Variants in NRXN1 observed in about 807,000 individuals in gnomAD.
NRXN1 encodes neurexin-1.
A neutral mutation model predicts 150.9 loss-of-function variants in NRXN1; 39 were observed. The ratio of observed to expected loss-of-function variants is 0.26; its 90% CI spans 0.20 to 0.34. The LOEUF (loss-of-function observed/expected upper bound fraction) is 0.34. Among genes scored for constraint, NRXN1 ranks in the 10% least tolerant of loss-of-function variants. NRXN1 has a pLI of 1.00. For synonymous variants in NRXN1, 924 were observed against 757.0 expected (o/e 1.22, Z -3.62); for missense variants, 1,815 against 1,949.9 (o/e 0.93, Z 1.30).
At chr2:50,480,913 C>T (rs887195799) in intron 15 of NRXN1, among the ~76,000 whole-genome samples, 3 of 151,846 alleles carry the variant, frequency 2.0e-5, no homozygotes, top group East Asian at 1.9e-4. Flanking sequence ...ATGGTCAAAA[C>T]CAGAAAAAAC....
At chr2:50,495,376 GTGTGGTGTGTGTGTGT>G (rs1333932461) in intron 15 of NRXN1, among the ~76,000 whole-genome samples, 11 of 10,808 alleles carry the variant, frequency 1.0e-3, no homozygotes, top group African/African-American at 2.0e-3. Context: ...GTGTGTGTGT[GTGTGGTGTGTGTGTGT>G]GTGTGTGTGT....
At chr2:50,959,609 G>A (rs1168798172) in intron 2 of NRXN1, among the ~76,000 whole-genome samples, 2 of 151,920 alleles carry the variant, frequency 1.3e-5, no homozygotes, top group Non-Finnish European at 2.9e-5. Context: ...AGAATGGGAA[G>A]GACTATAAAT....
At chr2:50,063,666 C>A (rs12621366) in intron 19 of NRXN1, among the ~76,000 whole-genome samples, 2 of 151,888 alleles carry the variant, frequency 1.3e-5, no homozygotes, top group African/African-American at 2.4e-5. Flanking sequence ...GTGTCCCCTA[C>A]TGCTCCACCA....
At chr2:49,979,476 A>T (rs530233629) in intron 21 of NRXN1, among the ~76,000 whole-genome samples, 1 of 152,174 alleles carries the variant, frequency 6.6e-6, no homozygotes, top group African/African-American at 2.4e-5. Context: ...ATGAAATACA[A>T]AAGAAGAAGC....
chr2:50,625,663 G>T (rs573616271), intron 5 of NRXN1, among the ~76,000 whole-genome samples: 1 of 152,166 alleles, frequency 6.6e-6, no homozygotes, highest in Admixed American at 6.6e-5. Context: ...TATACTGAGA[G>T]GAAAATGTGG....
intron 5 of NRXN1, among the ~76,000 whole-genome samples, chr2:50,685,559 T>C (rs1290818988): frequency 6.6e-6 from 1 of 152,176 alleles, no homozygotes; most frequent in Non-Finnish European, 1.5e-5. Flanking sequence ...CTTTTTTCTT[T>C]GGAATCTATA....
At chr2:50,743,484 AT>A (rs1699682981) in intron 5 of NRXN1, among the ~76,000 whole-genome samples, 1 of 152,166 alleles carries the variant, frequency 6.6e-6, no homozygotes, top group African/African-American at 2.4e-5. Context: ...TTGGGAGAAT[AT>A]CTGAAGAAAG....
chr2:50,277,152 A>T (rs1272432429), intron 17 of NRXN1, among the ~76,000 whole-genome samples: 5 of 152,182 alleles, frequency 3.3e-5, no homozygotes, highest in African/African-American at 1.2e-4. Flanking sequence ...AACAACAACA[A>T]CAAAAAAAGC....
chr2:50,940,267 G>C (rs1003456661), intron 2 of NRXN1, among the ~76,000 whole-genome samples: 1 of 152,010 alleles, frequency 6.6e-6, no homozygotes, highest in Non-Finnish European at 1.5e-5. Context: ...ATGAGGTTAA[G>C]AGATCGAGAC....
chr2:50,994,632 G>C (rs1699006989), intron 2 of NRXN1, among the ~76,000 whole-genome samples: 2 of 151,908 alleles, frequency 1.3e-5, no homozygotes, highest in Admixed American at 1.3e-4. Context: ...TTCACTACCA[G>C]AGAATGCATT....
intron 17 of NRXN1, among the ~76,000 whole-genome samples, chr2:50,414,072 G>A (rs1008176215): frequency 2.6e-5 from 4 of 151,556 alleles, no homozygotes; most frequent in Non-Finnish European, 5.9e-5. Flanking sequence ...CGTGTGCAGG[G>A]GAGGTAAGGA....
At position 50,237,057 on chromosome 2, in the gene NRXN1, T is replaced by C. The variant is rs970377776; in HGVS notation, c.3365-87A>G. ...ATGTTATATTGATATATCAGTAAAG[T>C]ATCAACTCTACACACAAAACTATGG... On this transcript the variant is annotated intron_variant, in intron 17 of 22. Coordinates refer to ENST00000401669, the MANE Select transcript of NRXN1 (RefSeq NM_001330078.2). 4.8e-6 allele frequency: 6 copies of C among 1,261,206 alleles called. No homozygotes were observed. In the African/African-American group the frequency reaches 5.9e-5, roughly 12 times the overall value. The allele number at this position is 1,261,206 out of a possible 1,614,324, so 78.1% of individuals were successfully genotyped here. A position where few individuals can be genotyped will look rare whatever the true frequency, so the allele number is the denominator to read the frequency against.
intron 17 of NRXN1, among the ~76,000 whole-genome samples, chr2:50,248,075 A>C (rs1310545432): frequency 6.6e-6 from 1 of 152,102 alleles, no homozygotes; most frequent in East Asian, 1.9e-4. Flanking sequence ...TCAGTGGCTC[A>C]AACATAGCTG....
intron 21 of NRXN1, among the ~76,000 whole-genome samples, chr2:50,028,486 A>T (rs2152565629): frequency 6.6e-6 from 1 of 152,356 alleles, no homozygotes; most frequent in South Asian, 2.1e-4. Flanking sequence ...AGAGAAAATC[A>T]ACAGCATAGT....
intron 17 of NRXN1, among the ~76,000 whole-genome samples, chr2:50,255,557 A>G (rs1284426635): frequency 6.6e-6 from 1 of 152,162 alleles, no homozygotes; most frequent in Non-Finnish European, 1.5e-5. Context: ...CAGGTCCCCA[A>G]TCTCAAAATA....
chr2:50,610,642 C>CATACATATATATATATATAT (rs1553879967), intron 8 of NRXN1, among the ~76,000 whole-genome samples: 1 of 42,876 alleles, frequency 2.3e-5, no homozygotes, highest in African/African-American at 7.5e-5. Flanking sequence ...TAAATAGATA[C>CATACATATATATATATATAT]ATATATATAT....
intron 8 of NRXN1, among the ~76,000 whole-genome samples, chr2:50,603,353 G>C (rs1021884000): frequency 6.6e-6 from 1 of 152,156 alleles, no homozygotes; most frequent in Non-Finnish European, 1.5e-5. Context: ...GCTCAGAAAG[G>C]CTGTGGGGAC....
At chr2:50,064,075 T>A (rs1694975530) in intron 19 of NRXN1, among the ~76,000 whole-genome samples, 1 of 152,146 alleles carries the variant, frequency 6.6e-6, no homozygotes. Context: ...AACGTTATAG[T>A]AAATTTTGCT....
At chr2:50,219,359 GAA>G (rs34949214) in intron 18 of NRXN1, among the ~76,000 whole-genome samples, 92 of 143,728 alleles carry the variant, frequency 6.4e-4, no homozygotes, top group African/African-American at 1.4e-3. Flanking sequence ...CTGTTTTGGG[GAA>G]AAAAAAAAAA....
Sources: allele counts gnomAD v4.1 joint callset (sites outside exome capture counted in the v4.1 genomes callset), GRCh38; gene constraint gnomAD v4.1.1; transcripts MANE v1.5; gene names NCBI Gene and HGNC (gene_info 2026-07-23, HGNC 2026-07-21).